The following ADAMTS19 variants were observed in gnomAD, a reference collection of about 807,000 sequenced individuals.
The protein encoded by ADAMTS19 is A disintegrin and metalloproteinase with thrombospondin motifs 19.
Under a neutral mutation model 153.3 loss-of-function variants are expected in ADAMTS19, and 93 were observed. That is an observed-to-expected ratio of 0.61 (90% confidence interval 0.51 to 0.72). The LOEUF is 0.72. Ranked by LOEUF, ADAMTS19 falls within the 30% of genes least tolerant of loss-of-function variation. The pLI, the probability that ADAMTS19 is intolerant of heterozygous loss-of-function variation, is 0.00. For synonymous variants in ADAMTS19, 600 were observed against 556.6 expected (o/e 1.08, Z -1.10); for missense variants, 1,482 against 1,552.1 (o/e 0.95, Z 0.76).
chr5:129,705,889 T>C (rs1351189683), intron 21 of ADAMTS19, among the ~76,000 whole-genome samples: 1 of 152,214 alleles, frequency 6.6e-6, no homozygotes, highest in Non-Finnish European at 1.5e-5. Context: ...CTTTGTGTCT[T>C]TGTTTCCATA....
At position 129,737,154 on chromosome 5, in the gene ADAMTS19, G is replaced by A; in HGVS notation, c.3578G>A (p.Trp1193Ter). 1.2e-6 allele frequency: 2 copies of A among 1,611,914 alleles called. No individual in the cohort carries two copies. Among genetic ancestry groups the A allele is most frequent in the Admixed American group, 1.7e-5 (1 of 59,804 alleles). Residue 1193 changes from tryptophan (W) to a stop codon, truncating the protein, a stop_gained, in exon 23 of 23, where the codon TGG (tryptophan) becomes TAG (stop). Transcript: ENST00000274487. LOFTEE classifies it high-confidence loss of function. ...REKNLCQDMR[W>*]YQRCCETCRD... Reference sequence around the variant, plus strand: ...AAGAACCTATGTCAGGACATGCGGTGGTATCAGCGCTGCTGTGAAACATGC... The same window carrying A: ...AAGAACCTATGTCAGGACATGCGGTAGTATCAGCGCTGCTGTGAAACATGC...
intron 7 of ADAMTS19, among the ~76,000 whole-genome samples, chr5:129,568,186 C>T (rs1219114405): frequency 6.6e-6 from 1 of 152,076 alleles, no homozygotes; most frequent in Non-Finnish European, 1.5e-5. Context: ...AAACTTGGAA[C>T]ATCAGGAATG....
chr5:129,672,676 A>G (rs1387897982), intron 16 of ADAMTS19, among the ~76,000 whole-genome samples: 3 of 152,100 alleles, frequency 2.0e-5, no homozygotes, highest in Non-Finnish European at 4.4e-5. Context: ...AGAAAAATCA[A>G]TTTTCCTGAG....
chr5:129,566,336 T>G (rs1031810898), intron 7 of ADAMTS19, among the ~76,000 whole-genome samples: 4 of 152,310 alleles, frequency 2.6e-5, no homozygotes, highest in Middle Eastern at 3.4e-3. Flanking sequence ...GTTGGTTTAT[T>G]ATTTTTATTT....
chr5:129,626,216 A>G (rs898550085), intron 10 of ADAMTS19, among the ~76,000 whole-genome samples: 8 of 152,120 alleles, frequency 5.3e-5, no homozygotes, highest in Admixed American at 1.3e-4. Context: ...CCAGTCTCCT[A>G]TGGAACTCAA....
At chr5:129,530,360 T>A (rs765303432) in intron 6 of ADAMTS19, among the ~76,000 whole-genome samples, 5 of 152,110 alleles carry the variant, frequency 3.3e-5, no homozygotes, top group Admixed American at 2.0e-4. Flanking sequence ...TGGCAAAAAT[T>A]TCTGCAAATT....
At chr5:129,462,342 T>G (rs2112865810) in intron 2 of ADAMTS19, among the ~76,000 whole-genome samples, 1 of 152,314 alleles carries the variant, frequency 6.6e-6, no homozygotes, top group South Asian at 2.1e-4. Flanking sequence ...ACTGAGAGAC[T>G]GGAGGTTGAG....
At chr5:129,700,333 G>T (rs1436415724) in intron 19 of ADAMTS19, among the ~76,000 whole-genome samples, 7 of 152,150 alleles carry the variant, frequency 4.6e-5, no homozygotes, top group Non-Finnish European at 8.8e-5. Flanking sequence ...TGTCACTCCA[G>T]TGTCTATGCT....
chr5:129,646,359 A>G (rs556181795), intron 11 of ADAMTS19, among the ~76,000 whole-genome samples: 1 of 152,292 alleles, frequency 6.6e-6, no homozygotes. Context: ...ATTATTAGAG[A>G]AAATCTACAG....
At chr5:129,531,479 G>C (rs549742575) in intron 6 of ADAMTS19, among the ~76,000 whole-genome samples, 1 of 152,206 alleles carries the variant, frequency 6.6e-6, no homozygotes, top group East Asian at 1.9e-4. Flanking sequence ...ACAAAAATTA[G>C]CTGGGCATGG....
chr5:129,561,849 TATCTATCTATCTATCTA>T (rs1415432040), intron 7 of ADAMTS19, among the ~76,000 whole-genome samples: 1 of 152,070 alleles, frequency 6.6e-6, no homozygotes, highest in African/African-American at 2.4e-5. Flanking sequence ...TCTATCTATC[TATCTATCTATCTATCTA>T]ATCTATCTGT....
At chr5:129,582,965 G>T (rs903683832) in intron 7 of ADAMTS19, among the ~76,000 whole-genome samples, 1 of 152,066 alleles carries the variant, frequency 6.6e-6, no homozygotes, top group Non-Finnish European at 1.5e-5. Context: ...ATGCTAGTTG[G>T]TTATTTTGCC....
intron 6 of ADAMTS19, among the ~76,000 whole-genome samples, chr5:129,533,504 C>A (rs532677892): frequency 3.3e-5 from 5 of 152,054 alleles, no homozygotes; most frequent in Non-Finnish European, 7.4e-5. Context: ...ATTAGTCTTG[C>A]GAGTGGTCTA....
At chr5:129,522,192 A>AAT (rs913351499) in intron 3 of ADAMTS19, among the ~76,000 whole-genome samples, 39 of 148,158 alleles carry the variant, frequency 2.6e-4, no homozygotes, top group Non-Finnish European at 4.2e-4. Flanking sequence ...GTTGAAAAAA[A>AAT]ATATATATAT....
chr5:129,584,764 T>C (rs904115649), intron 7 of ADAMTS19, among the ~76,000 whole-genome samples: 3 of 152,136 alleles, frequency 2.0e-5, no homozygotes, highest in African/African-American at 7.2e-5. Flanking sequence ...AGCTTGACCA[T>C]CCCAGGTCGA....
At chr5:129,528,748 T>C (rs1279917108) in intron 6 of ADAMTS19, 71 bp downstream of exon 6, 36 of 1,208,812 alleles carry the variant, frequency 3.0e-5, no homozygotes, top group Non-Finnish European at 4.1e-5. Context: ...ATTAATCCCT[T>C]AATAGATAAT....
chr5:129,700,661 G>A (rs917380269), intron 19 of ADAMTS19, among the ~76,000 whole-genome samples: 1 of 152,016 alleles, frequency 6.6e-6, no homozygotes, highest in African/African-American at 2.4e-5. Flanking sequence ...CAATACATAG[G>A]GCTATTGTAA....
At chr5:129,522,687 T>TCCGG (rs1334682477) in intron 3 of ADAMTS19, among the ~76,000 whole-genome samples, 1 of 151,890 alleles carries the variant, frequency 6.6e-6, no homozygotes, top group Admixed American at 6.6e-5. Flanking sequence ...AGTGGTGGGA[T>TCCGG]CCGGTTCTTA....
At chr5:129,480,966 C>G (rs556960233) in intron 2 of ADAMTS19, among the ~76,000 whole-genome samples, 19 of 152,176 alleles carry the variant, frequency 1.2e-4, no homozygotes, top group Non-Finnish European at 2.1e-4. Flanking sequence ...GCACCAGGAA[C>G]TCTAGGGGTG....
Sources: allele counts gnomAD v4.1 joint callset (sites outside exome capture counted in the v4.1 genomes callset), GRCh38; gene constraint gnomAD v4.1.1; transcripts MANE v1.5; gene names NCBI Gene and HGNC (gene_info 2026-07-23, HGNC 2026-07-21).